LPP: variants seen among roughly 807,000 people sequenced by gnomAD.
The protein encoded by LPP is LIM domain containing preferred translocation partner in lipoma, also known as lipoma-preferred partner.
In LPP, 38 loss-of-function variants were observed where a neutral mutation model predicts 60.4. The ratio of observed to expected loss-of-function variants is 0.63; its 90% CI spans 0.49 to 0.83. The LOEUF is 0.83. Ranked by LOEUF, LPP falls within the 40% of genes least tolerant of loss-of-function variation. The probability of loss-of-function intolerance (pLI) is 0.00; values close to 1 mark genes in which losing one functional copy is unlikely to be tolerated. For missense variants in LPP, 902 were observed against 783.6 expected (o/e 1.15, Z -1.80); for synonymous variants, 328 against 290.8 (o/e 1.13, Z -1.30).
At chr3:188,678,012 C>T (rs190482977) in intron 7 of LPP, among the ~76,000 whole-genome samples, 6 of 152,266 alleles carry the variant, frequency 3.9e-5, no homozygotes, top group East Asian at 1.9e-4. Flanking sequence ...TATGTGGAAA[C>T]GGCCAAATCT....
rs71298544 is a variant in LPP, at chr3:188,182,711, A to AATATAT, written c.-190+28467_-190+28472dup. ...TGATTTTTAACCAGCTAAAGAATTG[A>AATATAT]ATATATATATATAACATATGCACAT... On this transcript the variant is annotated intron_variant, in intron 1 of 11. Coordinates refer to ENST00000617246, the MANE Select transcript of LPP (RefSeq NM_001375462.1). This position sits in a 1 kb window ranked among gnomAD's most constrained non-coding sequence, Gnocchi z 4.4. 6.7e-6 allele frequency among the ~76,000 whole-genome samples: 1 copy of AATATAT among 148,904 alleles called. No homozygotes were observed. The highest frequency in any genetic ancestry group is 2.0e-4 in the East Asian group (1 of 5,114).
In LPP at chr3:188,479,118, A is replaced by T. The variant is rs1053692541; in HGVS notation, c.194-5474A>T. Among the ~76,000 whole-genome samples the T allele has an allele frequency of 2.5e-4, 38 of 152,132 alleles. 1 individual carries two copies. Among genetic ancestry groups the T allele is most frequent in the Non-Finnish European group, 7.3e-5 (5 of 68,032 alleles). On this transcript the variant is annotated intron_variant, in intron 4 of 11. Transcript: ENST00000617246. The stretch of plus-strand genomic sequence containing the variant: ...AACTTATGCTTTGCTAACCATGATT[A>T]AAAAAGTGTTCACCTTGTGTGTGTG...
chr3:188,535,970 T>G (rs1823466788), intron 6 of LPP, among the ~76,000 whole-genome samples: 1 of 151,376 alleles, frequency 6.6e-6, no homozygotes, highest in Non-Finnish European at 1.5e-5. Context: ...AACAACAACA[T>G]CAACCAAAAC....
chr3:188,254,785 C>T (rs1483095015), intron 2 of LPP, among the ~76,000 whole-genome samples: 1 of 152,152 alleles, frequency 6.6e-6, no homozygotes, highest in Non-Finnish European at 1.5e-5. Flanking sequence ...ATCAAAATCA[C>T]TGGGGCAACT....
At chr3:188,334,186 A>G (rs1428202634) in intron 2 of LPP, among the ~76,000 whole-genome samples, 2 of 152,164 alleles carry the variant, frequency 1.3e-5, no homozygotes, top group East Asian at 3.9e-4. Flanking sequence ...TGTTACTGTG[A>G]ATGACAAGAT....
rs956871003 is a variant in LPP at position 188,372,162 on chromosome 3, G to GA, written c.-10+30449dup. 3.4e-4 allele frequency among the ~76,000 whole-genome samples: 52 copies of GA among 151,982 alleles called. 1 individual carries two copies. Among genetic ancestry groups the GA allele is most frequent in the African/African-American group, 1.3e-3 (52 of 41,478 alleles). The stretch of plus-strand genomic sequence containing the variant: ...CCAAGTGTTGTAGAAGTTGAAAGGG[G>GA]AAAAAACTTTTTCAAAATTGGCTTG... On this transcript the variant is annotated intron_variant, in intron 3 of 11. Transcript: ENST00000617246.
intron 1 of LPP, among the ~76,000 whole-genome samples, chr3:188,207,352 C>A (rs1733569436): frequency 6.6e-6 from 1 of 151,724 alleles, no homozygotes; most frequent in Non-Finnish European, 1.5e-5. Context: ...CTGCCTCAGC[C>A]CCCTGAATAG....
At chr3:188,171,128 C>T (rs758014698) in intron 1 of LPP, among the ~76,000 whole-genome samples, 78 of 152,270 alleles carry the variant, frequency 5.1e-4, no homozygotes, top group Middle Eastern at 6.8e-3. Context: ...GTTAGGGTTA[C>T]GCTATGTGTA....
At chr3:188,214,973 G>A (rs1442739955) in intron 1 of LPP, among the ~76,000 whole-genome samples, 1 of 152,122 alleles carries the variant, frequency 6.6e-6, no homozygotes, top group Non-Finnish European at 1.5e-5. Flanking sequence ...TAATTTTGGT[G>A]TAATACATAT....
intron 2 of LPP, among the ~76,000 whole-genome samples, chr3:188,318,457 A>T (rs1269797213): frequency 6.6e-6 from 1 of 151,716 alleles, no homozygotes; most frequent in Non-Finnish European, 1.5e-5. Flanking sequence ...GAATATGTGG[A>T]TATTTTTGTG....
At chr3:188,486,456 AG>A (rs913259768) in intron 5 of LPP, among the ~76,000 whole-genome samples, 16 of 152,260 alleles carry the variant, frequency 1.1e-4, no homozygotes, top group East Asian at 7.7e-4. Flanking sequence ...GGAAACAGGG[AG>A]GGGGTCAAGG....
At chr3:188,276,679 C>T (rs1739861143) in intron 2 of LPP, among the ~76,000 whole-genome samples, 2 of 16,638 alleles carry the variant, frequency 1.2e-4, no homozygotes, top group Admixed American at 7.9e-4. Flanking sequence ...GTCTCTCTCT[C>T]TCTCTCTCTC....
At chr3:188,390,731 C>G (rs965113842) in intron 3 of LPP, among the ~76,000 whole-genome samples, 20 of 152,204 alleles carry the variant, frequency 1.3e-4, no homozygotes, top group Admixed American at 7.9e-4. Flanking sequence ...CTAAGCATTA[C>G]TGCATTTGCC....
At chr3:188,341,461 AGCT>A (rs1453364131) in intron 2 of LPP, among the ~76,000 whole-genome samples, 199 bp from the exon 3 acceptor site, 1 of 152,186 alleles carries the variant, frequency 6.6e-6, no homozygotes, top group Non-Finnish European at 1.5e-5. Flanking sequence ...TCCCTCTTTG[AGCT>A]TCTGTTTCCT....
rs777127864 is a variant in LPP, at chr3:188,760,435, T to TGTGTGTGTGC, written c.1410+154_1410+155insTGTGTGTGCG. Among the ~76,000 whole-genome samples the TGTGTGTGTGC allele has an allele frequency of 3.2e-3, 478 of 151,188 alleles. 3 individuals carry two copies. Among genetic ancestry groups the TGTGTGTGTGC allele is most frequent in the African/African-American group, 0.01 (416 of 40,938 alleles). ...GTGTGTGTGTGTGTGTGTGTGTGTGTGCGTGCGCGCATGTAAATTAGCATA... is the reference window on the plus strand; with the variant it reads ...GTGTGTGTGTGTGTGTGTGTGTGTGTGTGTGTGTGCGCGTGCGCGCATGTAAATTAGCATA... On this transcript the variant is annotated intron_variant, in intron 9 of 11. Transcript: ENST00000617246.
chr3:188,839,910 A>T (rs987141155), intron 9 of LPP, among the ~76,000 whole-genome samples: 2 of 152,184 alleles, frequency 1.3e-5, no homozygotes, highest in African/African-American at 4.8e-5. Context: ...AATTAAATTT[A>T]AAAAAGAGTA....
chr3:188,757,890 T>TTTTTG (rs1730851017), intron 8 of LPP, among the ~76,000 whole-genome samples: 1 of 48,604 alleles, frequency 2.1e-5, no homozygotes, highest in African/African-American at 9.1e-5. Flanking sequence ...GTTTTTTTGG[T>TTTTTG]TTTTTTTTTT....
intron 5 of LPP, among the ~76,000 whole-genome samples, chr3:188,499,955 C>A (rs1225383137): frequency 1.3e-5 from 2 of 152,010 alleles, no homozygotes; most frequent in Non-Finnish European, 2.9e-5. Context: ...TGTGTAGTAA[C>A]TTTATATGCT....
chr3:188,856,680 C>A (rs1763909720), intron 9 of LPP, among the ~76,000 whole-genome samples: 1 of 152,138 alleles, frequency 6.6e-6, no homozygotes, highest in Non-Finnish European at 1.5e-5. Context: ...GAATTTTGTT[C>A]AAGGTGCTGT....
Sources: allele counts gnomAD v4.1 joint callset (sites outside exome capture counted in the v4.1 genomes callset), GRCh38; gene constraint gnomAD v4.1.1; non-coding constraint Gnocchi (gnomAD v3.1); transcripts MANE v1.5; gene names NCBI Gene and HGNC (gene_info 2026-07-23, HGNC 2026-07-21).